Variants in KLHL23 observed in about 807,000 individuals in gnomAD.
The protein encoded by KLHL23 is kelch-like protein 23.
In KLHL23, 33 loss-of-function variants were observed where a neutral mutation model predicts 48.9. The observed-to-expected ratio is 0.67, with a 90% CI of 0.51 to 0.90. The LOEUF is 0.90. KLHL23 is among the 40% of genes least tolerant of loss of function. The pLI is 0.00. For missense variants in KLHL23, 608 were observed against 669.6 expected, an observed-to-expected ratio of 0.91 and a Z score of 1.02; for synonymous variants, 234 against 231.6, an observed-to-expected ratio of 1.01 and a Z score of -0.09.
At chr2:169,748,066 T>C (rs1462035084) in intron 3 of KLHL23, among the ~76,000 whole-genome samples, 1 of 152,096 alleles carries the variant, frequency 6.6e-6, no homozygotes, top group Non-Finnish European at 1.5e-5. Flanking sequence ...TGAGGCTATA[T>C]TGAGCTATGA....
chr2:169,749,028 A>T (rs993439777), intron 3 of KLHL23, among the ~76,000 whole-genome samples: 3 of 152,218 alleles, frequency 2.0e-5, no homozygotes, highest in African/African-American at 4.8e-5. Flanking sequence ...AGCTGCCAAG[A>T]CCTGAAGGGA....
rs1558952224 is a variant in KLHL23, at chr2:169,749,978, T to TTC, written c.*246_*247insTC. On this transcript the variant is annotated 3_prime_UTR_variant, in exon 4 of 4. Coordinates refer to ENST00000392647, the MANE Select transcript of KLHL23 (RefSeq NM_144711.6). ...ATATATATGTATACATATATATGTG[T>TTC]ATATATACGTATGTATACATATATG... 97 of 100,422 alleles carry TTC rather than the reference T, an allele frequency of 9.7e-4. 7 individuals carry two copies. The highest frequency in any genetic ancestry group is 2.3e-3 in the African/African-American group (54 of 23,164). The allele number at this position is 100,422 out of a possible 1,614,324, so 6.2% of individuals were successfully genotyped here. A position where few individuals can be genotyped will look rare whatever the true frequency, so the allele number is the denominator to read the frequency against.
rs961175605 is a variant in KLHL23 at position 169,734,296 on chromosome 2, G to A, written c.-3+209G>A. On this transcript the variant is annotated intron_variant, in intron 1 of 3. Transcript: ENST00000392647. ...CCTGCGGCGTCCTTCCCACACCTGC[G>A]CGGAGCGCCGGGCAGAGGGACGCGG... 2.2e-4 allele frequency among the ~76,000 whole-genome samples: 32 copies of A among 147,570 alleles called. No individual in the cohort carries two copies. The South Asian group carries it at 3.5e-3, about 16-fold the overall frequency.
intron 2 of KLHL23, 146 bp downstream of exon 2, chr2:169,736,373 A>G (rs1688518788): frequency 4.8e-6 from 6 of 1,250,146 alleles, no homozygotes; most frequent in Non-Finnish European, 6.5e-6. Flanking sequence ...TGTTCCAGAT[A>G]AAAACAGTAT....
intron 3 of KLHL23, among the ~76,000 whole-genome samples, chr2:169,746,480 T>G (rs183174441): frequency 2.1e-4 from 32 of 152,344 alleles, no homozygotes; most frequent in African/African-American, 7.5e-4. Flanking sequence ...GATTATTCAT[T>G]TGTTCACTCA....
intron 2 of KLHL23, among the ~76,000 whole-genome samples, chr2:169,737,768 C>G (rs1688553380): frequency 6.6e-6 from 1 of 151,998 alleles, no homozygotes; most frequent in Admixed American, 6.6e-5. Flanking sequence ...GCATGTGCCA[C>G]CACACCTAGG....
Position 169,735,622 on chromosome 2 carries a change from C to G in KLHL23, c.608C>G (p.Pro203Arg). The change falls in exon 2 of 4, where the codon CCA becomes CGA. Residue 203 changes from proline (P) to arginine (R), a missense_variant. Pro to Arg is a moderately radical substitution (Grantham distance 103). Transcript: ENST00000392647. This position sits in a 1 kb window ranked among gnomAD's most constrained non-coding sequence, Gnocchi z 4.5. Reference sequence around the variant, plus strand: ...TGGAAAGAAGAAGCTATCATAGAGCCAGTTATTAAGTGGACTGCTCATGAT... The same window carrying G: ...TGGAAAGAAGAAGCTATCATAGAGCGAGTTATTAAGTGGACTGCTCATGAT... Reference protein sequence around the residue: ...SVWKEEAIIEPVIKWTAHDVE... With the variant: ...SVWKEEAIIERVIKWTAHDVE... 1 of 1,614,000 alleles carries G rather than the reference C, an allele frequency of 6.2e-7. No homozygotes were observed. The highest frequency in any genetic ancestry group is 8.5e-7 in the Non-Finnish European group (1 of 1,180,042).
At position 169,740,766 on chromosome 2, in the gene KLHL23, T is replaced by TAA. The variant is rs1553477017; in HGVS notation, c.1214-619_1214-618insAA. Among the ~76,000 whole-genome samples, 175 of 125,454 alleles carry TAA rather than the reference T, an allele frequency of 1.4e-3. 4 individuals are homozygous for TAA. Among genetic ancestry groups the TAA allele is most frequent in the East Asian group, 5.3e-3 (21 of 3,940 alleles). The allele number at this position is 125,454 out of a possible 152,430, so 82.3% of individuals were successfully genotyped here. A position where few individuals can be genotyped will look rare whatever the true frequency, so the allele number is the denominator to read the frequency against. ...CCCGGCCTCTATAAGCTTTTTTATA[T>TAA]TATATATATATATATATATATATAT... is the stretch of plus-strand genomic sequence containing the variant. On this transcript the variant is annotated intron_variant, in intron 2 of 3. Transcript: ENST00000392647.
rs1372496603 is a variant in KLHL23, at chr2:169,735,344, G to A, written c.330G>A (p.Leu110=). Reference sequence around the variant, plus strand: ...TAACTAAAAGAAATGTTCAAAGCCTGCTTGAGGCAGCGGATCTGCTACAGT... The same window carrying A: ...TAACTAAAAGAAATGTTCAAAGCCTACTTGAGGCAGCGGATCTGCTACAGT... ...IEITKRNVQS[L]LEAADLLQFL... is the part of the protein sequence containing the mutation. Residue 110 remains leucine (L), a synonymous_variant, in exon 2 of 4, where the codon CTG becomes CTA. Coordinates refer to ENST00000392647, the MANE Select transcript of KLHL23 (RefSeq NM_144711.6). The surrounding 1 kb of genome is among the most constrained non-coding windows in gnomAD (Gnocchi z 4.5). 6.2e-7 allele frequency: 1 copy of A among 1,613,084 alleles called. No homozygotes were observed. Among genetic ancestry groups the A allele is most frequent in the Non-Finnish European group, 8.5e-7 (1 of 1,179,846 alleles).
intron 2 of KLHL23, among the ~76,000 whole-genome samples, chr2:169,740,458 T>C (rs984415398): frequency 6.6e-6 from 1 of 151,290 alleles, no homozygotes; most frequent in Non-Finnish European, 1.5e-5. Flanking sequence ...ATAAGCTTTT[T>C]TTTTTTTTGA....
intron 3 of KLHL23, among the ~76,000 whole-genome samples, chr2:169,744,054 A>G (rs1428402138): frequency 6.6e-6 from 1 of 152,196 alleles, no homozygotes; most frequent in East Asian, 1.9e-4. Flanking sequence ...ATTGGAAAAC[A>G]TGGGACTATA....
At chr2:169,734,796 A>T (rs1688472512) in intron 1 of KLHL23, among the ~76,000 whole-genome samples, 1 of 152,118 alleles carries the variant, frequency 6.6e-6, no homozygotes. Flanking sequence ...CTACTGAAAA[A>T]TCCAGGAGCC....
In KLHL23 at chr2:169,740,272, G is replaced by A. The variant is rs75885381; in HGVS notation, c.1214-1113G>A. 2.8e-3 allele frequency among the ~76,000 whole-genome samples: 417 copies of A among 150,470 alleles called. 13 individuals are homozygous for A. In the East Asian group the frequency reaches 0.076, roughly 27 times the overall value. On this transcript the variant is annotated intron_variant, in intron 2 of 3. Transcript: ENST00000392647. Reference sequence around the variant, plus strand: ...GGACTACAGGCACATGCTATCACACGTGGCTACTTTTTTATTTTTTGTAGA... The same window carrying A: ...GGACTACAGGCACATGCTATCACACATGGCTACTTTTTTATTTTTTGTAGA...
At chr2:169,746,465 T>TG (rs1688795534) in intron 3 of KLHL23, among the ~76,000 whole-genome samples, 1 of 152,234 alleles carries the variant, frequency 6.6e-6, no homozygotes, top group Non-Finnish European at 1.5e-5. Context: ...GTCACTCCCA[T>TG]TCTTGATTAT....
At position 169,749,052 on chromosome 2, in the gene KLHL23, C is replaced by G. The variant is rs142538987; in HGVS notation, c.1367-370C>G. Among the ~76,000 whole-genome samples the G allele has an allele frequency of 6.0e-3, 916 of 152,272 alleles. 7 individuals are homozygous for G. The highest frequency in any genetic ancestry group is 0.021 in the African/African-American group (861 of 41,540). On this transcript the variant is annotated intron_variant, in intron 3 of 3. Coordinates refer to ENST00000392647, the MANE Select transcript of KLHL23 (RefSeq NM_144711.6). The stretch of plus-strand genomic sequence containing the variant: ...GACCTGAAGGGACACCACTGCTTAT[C>G]GAGGGTATCTTTCTATAAGGATTCT...
chr2:169,746,772 T>C (rs1426853638), intron 3 of KLHL23, among the ~76,000 whole-genome samples: 1 of 152,212 alleles, frequency 6.6e-6, no homozygotes, highest in Non-Finnish European at 1.5e-5. Flanking sequence ...AATCAAAAAT[T>C]GGGGTGTTTT....
At chr2:169,734,375 C>T (rs1330911990) in intron 1 of KLHL23, among the ~76,000 whole-genome samples, 1 of 148,886 alleles carries the variant, frequency 6.7e-6, no homozygotes, top group African/African-American at 2.4e-5. Context: ...CCGCTCCTGG[C>T]CCCGGGGCGG....
chr2:169,735,577 C>T lies in KLHL23; in HGVS notation c.563C>T (p.Ser188Phe). ...CTTGAAAAGTTTCTCTTTATCTTGT[C>T]CAGAAAGAATCTCAGTGTTTGGAAA... ...ISLEKFLFIL[S>F]RKNLSVWKEE... Residue 188 changes from serine (S) to phenylalanine (F), a missense_variant, in exon 2 of 4, where the codon TCC (serine) becomes TTC (phenylalanine). Ser to Phe is a radical substitution (Grantham distance 155, BLOSUM62 -2). Coordinates refer to ENST00000392647, the MANE Select transcript of KLHL23 (RefSeq NM_144711.6). The surrounding 1 kb of genome is among the most constrained non-coding windows in gnomAD (Gnocchi z 4.5). 1 of 1,613,788 alleles carries T rather than the reference C, an allele frequency of 6.2e-7. No individual in the cohort carries two copies. The highest frequency in any genetic ancestry group is 8.5e-7 in the Non-Finnish European group (1 of 1,179,974).
intron 3 of KLHL23, among the ~76,000 whole-genome samples, chr2:169,747,251 C>G (rs1042792809): frequency 1.3e-5 from 2 of 151,854 alleles, no homozygotes; most frequent in Non-Finnish European, 2.9e-5. Context: ...GTAATCTCAG[C>G]TACAGTGCAC....
Sources: gnomAD v4.1 joint callset for allele counts (sites outside exome capture counted in the v4.1 genomes callset) on GRCh38, gnomAD v4.1.1 for gene constraint, Gnocchi (gnomAD v3.1) non-coding constraint, MANE v1.5 for transcripts, NCBI Gene and HGNC (gene_info 2026-07-23, HGNC 2026-07-21) for gene names.